ADAMTS7: variants seen among roughly 807,000 people sequenced by gnomAD.
ADAMTS7 encodes the protein A disintegrin and metalloproteinase with thrombospondin motifs 7.
ADAMTS7 carries 89 observed loss-of-function variants against 172.6 expected under a neutral mutation model. That is an observed-to-expected ratio of 0.52 (90% CI 0.43 to 0.61). ADAMTS7 has a LOEUF of 0.61. Among genes scored for constraint, ADAMTS7 ranks in the 20% least tolerant of loss-of-function variants. The probability of loss-of-function intolerance (pLI) is 0.00; values close to 1 mark genes in which losing one functional copy is unlikely to be tolerated. For synonymous variants in ADAMTS7, 885 were observed against 978.4 expected (o/e 0.90, Z 1.78); for missense variants, 1,973 against 2,355.6 (o/e 0.84, Z 3.36).
Position 78,759,364 on chromosome 15 carries a change from G to A in ADAMTS7, c.*57C>T, listed in dbSNP as rs539645075. On this transcript the variant is annotated 3_prime_UTR_variant, in exon 24 of 24. Coordinates refer to ENST00000388820, the MANE Select transcript of ADAMTS7 (RefSeq NM_014272.5). ...TTAGGGCGCAGGGGGCGGGAGCTCC[G>A]CCACAGCCCGTGGTGGGCACTGAGG... 47 of 1,505,756 alleles carry A rather than the reference G, an allele frequency of 3.1e-5. No individual in the cohort carries two copies. In the East Asian group the frequency reaches 8.2e-4, roughly 26 times the overall value. 93.3% of individuals were successfully genotyped at this position (1,505,756 alleles called of 1,614,324 possible).
chr15:78,800,912 T>G (rs1201651025), intron 1 of ADAMTS7, among the ~76,000 whole-genome samples: 3 of 152,190 alleles, frequency 2.0e-5, no homozygotes, highest in African/African-American at 7.2e-5. Flanking sequence ...AGCTATTTTT[T>G]GTATTTTTAG....
chr15:78,806,121 CACACACAA>C (rs2055788740), intron 1 of ADAMTS7, among the ~76,000 whole-genome samples: 11 of 22,640 alleles, frequency 4.9e-4, no homozygotes, highest in Admixed American at 2.5e-3. Flanking sequence ...CACACACACA[CACACACAA>C]AAAAAAAAAA....
chr15:78,764,456 G>T, intron 20 of ADAMTS7, 99 bp downstream of exon 20: 1 of 1,409,950 alleles, frequency 7.1e-7, no homozygotes, highest in Non-Finnish European at 9.4e-7. Context: ...GCAGCCTGGG[G>T]CCCTCCCCTT....
At chr15:78,785,476 G>A (rs887784025) in intron 8 of ADAMTS7, among the ~76,000 whole-genome samples, 3 of 151,320 alleles carry the variant, frequency 2.0e-5, no homozygotes, top group Non-Finnish European at 4.4e-5. Context: ...TTGAACCCAG[G>A]AGGCAGAGGC....
Position 78,759,336 on chromosome 15 carries a change from C to T in ADAMTS7, c.*85G>A, listed in dbSNP as rs1277792938. The T allele has an allele frequency of 7.8e-6, 11 of 1,406,260 alleles. No homozygotes were observed. The highest frequency in any genetic ancestry group is 2.8e-5 in the South Asian group (2 of 70,852). The allele number at this position is 1,406,260 out of a possible 1,614,324, so 87.1% of individuals were successfully genotyped here. Reference sequence around the variant, plus strand: ...GCTGGGTAGTGAGAGGGGGTTAGCACCATTAGGGCGCAGGGGGCGGGAGCT... The same window carrying T: ...GCTGGGTAGTGAGAGGGGGTTAGCATCATTAGGGCGCAGGGGGCGGGAGCT... On this transcript the variant is annotated 3_prime_UTR_variant, in exon 24 of 24. Coordinates refer to ENST00000388820, the MANE Select transcript of ADAMTS7 (RefSeq NM_014272.5).
At chr15:78,810,986 G>A in intron 1 of ADAMTS7, 135 bp downstream of exon 1, 4 of 973,570 alleles carry the variant, frequency 4.1e-6, no homozygotes, top group Non-Finnish European at 5.3e-6. Context: ...AATACCCAGG[G>A]AGCGGAAGAC....
intron 14 of ADAMTS7, among the ~76,000 whole-genome samples, chr15:78,772,214 C>A (rs191531640): frequency 2.0e-5 from 3 of 152,208 alleles, no homozygotes; most frequent in Non-Finnish European, 4.4e-5. Flanking sequence ...ACACCCATCA[C>A]GTGCCAGGCA....
At position 78,759,395 on chromosome 15, in the gene ADAMTS7, C is replaced by T. The variant is rs188562632; in HGVS notation, c.*26G>A. On this transcript the variant is annotated 3_prime_UTR_variant, in exon 24 of 24. Coordinates refer to ENST00000388820, the MANE Select transcript of ADAMTS7 (RefSeq NM_014272.5). ...GCCCGTGGTGGGCACTGAGGTCTGT[C>T]GGTCGGTCTGTGCATCCTGGCGCAG... 3.1e-3 allele frequency: 4,855 copies of T among 1,567,582 alleles called. 11 individuals carry two copies. The highest frequency in any genetic ancestry group is 0.011 in the Middle Eastern group (47 of 4,306).
At chr15:78,793,352 C>CT (rs55739451) in intron 4 of ADAMTS7, among the ~76,000 whole-genome samples, 109 of 144,744 alleles carry the variant, frequency 7.5e-4, no homozygotes, top group Middle Eastern at 3.5e-3. Flanking sequence ...TCTGTTTTAC[C>CT]TTTTTTTTTT....
chr15:78,796,863 GAGCTCTC>G, intron 3 of ADAMTS7, 77 bp from the exon 4 acceptor site: 1 of 1,361,172 alleles, frequency 7.3e-7, no homozygotes, highest in East Asian at 2.5e-5. Context: ...TCTCCTCAGT[GAGCTCTC>G]TCTGGGGCAC....
rs780932759 is a variant in ADAMTS7, at chr15:78,800,269, C to G, written c.379G>C (p.Ala127Pro). ...GRAHIRAHTP[A>P]CHLLGEVQDP... ...TGCACCTCGCCAAGCAGGTGGCAGG[C>G]CGGGGTGTGGGCCCGGATGTGCGCG... The change falls in exon 2 of 24, where the codon GCC becomes CCC. Residue 127 changes from alanine (A) to proline (P), a missense_variant. Coordinates refer to ENST00000388820, the MANE Select transcript of ADAMTS7 (RefSeq NM_014272.5). 4 of 1,594,948 alleles carry G rather than the reference C, an allele frequency of 2.5e-6. No homozygotes were observed. In the South Asian group the frequency reaches 3.3e-5, roughly 13 times the overall value.
chr15:78,801,419 T>C lies in ADAMTS7; in HGVS notation c.101-872A>G, dbSNP rs4887112. Among the ~76,000 whole-genome samples the C allele has an allele frequency of 0.029, 4,419 of 152,278 alleles. 572 individuals are homozygous for C. The East Asian group carries it at 0.38, about 13-fold the overall frequency. On this transcript the variant is annotated intron_variant, in intron 1 of 23. Coordinates refer to ENST00000388820, the MANE Select transcript of ADAMTS7 (RefSeq NM_014272.5). The stretch of plus-strand genomic sequence containing the variant: ...GCTGTTCCCTACACCTGGAACACTC[T>C]TCTCTCTGTTTTCCACATGGCTAAA...
chr15:78,764,805 G>A (rs2055114073), intron 19 of ADAMTS7, 98 bp from the exon 20 acceptor site: 1 of 1,300,270 alleles, frequency 7.7e-7, no homozygotes, highest in African/African-American at 1.5e-5. Context: ...ACCTCAGCAA[G>A]ACAGGGGCCC....
intron 1 of ADAMTS7, among the ~76,000 whole-genome samples, chr15:78,806,309 A>G (rs925825527): frequency 6.6e-6 from 1 of 152,136 alleles, no homozygotes; most frequent in Non-Finnish European, 1.5e-5. Flanking sequence ...AACATATGTT[A>G]ATTCAACAGT....
chr15:78,785,353 C>A (rs914257536), intron 8 of ADAMTS7, among the ~76,000 whole-genome samples: 17 of 151,978 alleles, frequency 1.1e-4, no homozygotes, highest in African/African-American at 4.1e-4. Flanking sequence ...AGTTCGAGAC[C>A]AGCCTGGCCA....
chr15:78,786,166 G>A (rs2055500065), intron 8 of ADAMTS7, among the ~76,000 whole-genome samples: 1 of 151,864 alleles, frequency 6.6e-6, no homozygotes, highest in South Asian at 2.1e-4. Flanking sequence ...CTGACCTCAA[G>A]TGATCCACCT....
rs148890001 is a variant in ADAMTS7 at position 78,777,481 on chromosome 15, T to C, written c.1430A>G (p.Gln477Arg). 5 of 1,612,898 alleles carry C rather than the reference T, an allele frequency of 3.1e-6. No homozygotes were observed. Among genetic ancestry groups the C allele is most frequent in the African/African-American group, 1.3e-5 (1 of 74,904 alleles). ...LYDVSHQCRL[Q>R]YGAYSAFCED... ...GCAGAAGGCAGAGTAGGCCCCGTAC[T>C]GGAGGCGGCACTGGTGGCTTACATC... The change falls in exon 9 of 24, where the codon CAG becomes CGG. Residue 477 changes from glutamine (Q) to arginine (R), a missense_variant. Gln to Arg is a conservative substitution (Grantham distance 43). Around this residue, in one of 8 missense-constraint regions of ADAMTS7, gnomAD observed 526 missense variants for 662.9 expected, o/e 0.79. Coordinates refer to ENST00000388820, the MANE Select transcript of ADAMTS7 (RefSeq NM_014272.5).
rs575551641 is a variant in ADAMTS7 at position 78,801,586 on chromosome 15, A to G, written c.101-1039T>C. On this transcript the variant is annotated intron_variant, in intron 1 of 23. Coordinates refer to ENST00000388820, the MANE Select transcript of ADAMTS7 (RefSeq NM_014272.5). ...TTCCCCACAGCACTCCTGACATACC[A>G]TATCACTTAGCATTTTCATTATTTT... is the stretch of plus-strand genomic sequence containing the variant. Among the ~76,000 whole-genome samples, 50 of 152,018 alleles carry G rather than the reference A, an allele frequency of 3.3e-4. No homozygotes were observed. In the South Asian group the frequency reaches 1.0e-2, roughly 30 times the overall value.
Position 78,797,903 on chromosome 15 carries a change from C to T in ADAMTS7, c.622+45G>A, listed in dbSNP as rs1284366266. 5 of 1,572,316 alleles carry T rather than the reference C, an allele frequency of 3.2e-6. No homozygotes were observed. In the East Asian group the frequency reaches 7.0e-5, roughly 22 times the overall value. Reference sequence around the variant, plus strand: ...GCTTCTAGAAAGGCCCCTTCATGTCCCCAGGCCCAGCACCCACCCGAGAAC... The same window carrying T: ...GCTTCTAGAAAGGCCCCTTCATGTCTCCAGGCCCAGCACCCACCCGAGAAC... On this transcript the variant is annotated intron_variant, in intron 3 of 23. Transcript: ENST00000388820.
Sources: allele counts gnomAD v4.1 joint callset (sites outside exome capture counted in the v4.1 genomes callset), GRCh38; gene constraint gnomAD v4.1.1; regional missense constraint gnomAD v4.1.1; transcripts MANE v1.5; gene names NCBI Gene and HGNC (gene_info 2026-07-23, HGNC 2026-07-21).